MRGPRE: variants seen among roughly 807,000 people sequenced by gnomAD.
MRGPRE encodes MAS related GPR family member E.
For synonymous variants in MRGPRE, 229 were observed against 206.7 expected, an observed-to-expected ratio of 1.11 and a Z score of -0.92; for missense variants, 466 against 433.4, an observed-to-expected ratio of 1.08 and a Z score of -0.67.
At position 3,225,774 on chromosome 11, in the gene MRGPRE, A is replaced by G. The variant is rs1259651660; in HGVS notation, c.*2087T>C. Among the ~76,000 whole-genome samples the G allele has an allele frequency of 1.3e-5, 2 of 152,222 alleles. No individual in the cohort carries two copies. The highest frequency in any genetic ancestry group is 3.9e-4 in the East Asian group (2 of 5,192). ...TGGGGACGAGCTGGGCCCAGTTTCC[A>G]TGGAGACCTCAGATGAGGCCACATT... On this transcript the variant is annotated 3_prime_UTR_variant, in exon 2 of 2. Transcript: ENST00000389832.
chr11:3,228,916 C>T (rs1285592447), intron 1 of MRGPRE, 56 bp from the exon 2 acceptor site: 1 of 815,026 alleles, frequency 1.2e-6, no homozygotes, highest in Non-Finnish European at 1.9e-6. Flanking sequence ...CCTGCTCCTC[C>T]CCACATCAGG....
Position 3,228,166 on chromosome 11 carries a change from G to A in MRGPRE, c.634C>T (p.Pro212Ser). Residue 212 changes from proline to serine, a missense_variant, in exon 2 of 2, where the codon CCC (proline) becomes TCC (serine). By Grantham distance (74) the Pro-to-Ser change is moderately conservative. Coordinates refer to ENST00000389832, the MANE Select transcript of MRGPRE (RefSeq NM_001039165.4). ...RVERGPQRPP[P>S]RGFPGLILLT... is the part of the protein sequence containing the mutation. ...AGGATGAGCCCAGGGAAGCCCCGGG[G>A]TGGGGGCCGCTGGGGGCCTCGCTCC... is the stretch of plus-strand genomic sequence containing the variant. 6.4e-7 allele frequency: 1 copy of A among 1,571,008 alleles called. No homozygotes were observed. Among genetic ancestry groups the A allele is most frequent in the South Asian group, 1.2e-5 (1 of 85,960 alleles).
In MRGPRE at chr11:3,231,795, C is replaced by T. The variant is rs1238088977; in HGVS notation, c.-62+346G>A. Among the ~76,000 whole-genome samples the T allele has an allele frequency of 6.6e-6, 1 of 151,626 alleles. No homozygotes were observed. The highest frequency in any genetic ancestry group is 6.6e-5 in the Admixed American group (1 of 15,262). ...TGGCAGGGAGGAGAGGGCCTATCCCCGGCTGCCCCCATGACTCCCCTTGAG... is the reference window on the plus strand; with the variant it reads ...TGGCAGGGAGGAGAGGGCCTATCCCTGGCTGCCCCCATGACTCCCCTTGAG... On this transcript the variant is annotated intron_variant, in intron 1 of 1. Transcript: ENST00000389832. The surrounding 1 kb of genome is among the most constrained non-coding windows in gnomAD (Gnocchi z 4.7).
At position 3,228,792 on chromosome 11, in the gene MRGPRE, T is replaced by C. The variant is rs1847796765; in HGVS notation, c.8A>G (p.Glu3Gly). The C allele has an allele frequency of 6.2e-7, 1 of 1,604,294 alleles. No individual in the cohort carries two copies. The highest frequency in any genetic ancestry group is 1.7e-5 in the Admixed American group (1 of 59,210). ...CACGTGCTGTCCAGCTTCTCTGGGC[T>C]CCATCATGGGGCGGGGGGCCAGGGG... MM[E>G]PREAGQHVGA... Residue 3 changes from glutamate (E) to glycine (G), a missense_variant, in exon 2 of 2, where the codon GAG (glutamate) becomes GGG (glycine). By Grantham distance (98) the Glu-to-Gly change is moderately conservative (BLOSUM62 -2). Transcript: ENST00000389832.
chr11:3,228,211 G>A lies in MRGPRE; in HGVS notation c.589C>T (p.Leu197Phe). The change falls in exon 2 of 2, where the codon CTT (leucine) becomes TTT (phenylalanine). Residue 197 changes from leucine (L) to phenylalanine (F), a missense_variant. By Grantham distance (22) the Leu-to-Phe change is conservative. Transcript: ENST00000389832. The part of the protein sequence containing the change: ...LLCCTMCGAS[L>F]MLLLRVERGP... ...CGCTCCACCCGCAGCAGCAGCATAA[G>A]GCTGGCCCCACACATGGTGCAACAC... The A allele has an allele frequency of 1.3e-6, 2 of 1,557,444 alleles. No individual in the cohort carries two copies. Among genetic ancestry groups the A allele is most frequent in the Non-Finnish European group, 1.7e-6 (2 of 1,151,198 alleles).
rs1252521975 is a variant in MRGPRE, at chr11:3,230,119, G to A, written c.-61-1259C>T. ...CCGGAGACATGCCTGCAGATACCCGGCCCCATGCTGCCCCTGTGGTTACCT... is the reference window on the plus strand; with the variant it reads ...CCGGAGACATGCCTGCAGATACCCGACCCCATGCTGCCCCTGTGGTTACCT... On this transcript the variant is annotated intron_variant, in intron 1 of 1. Coordinates refer to ENST00000389832, the MANE Select transcript of MRGPRE (RefSeq NM_001039165.4). The surrounding 1 kb of genome is among the most constrained non-coding windows in gnomAD (Gnocchi z 5.5). Among the ~76,000 whole-genome samples the A allele has an allele frequency of 6.6e-6, 1 of 152,108 alleles. No homozygotes were observed. Among genetic ancestry groups the A allele is most frequent in the Non-Finnish European group, 1.5e-5 (1 of 68,014 alleles).
In MRGPRE at chr11:3,230,893, A is replaced by G. The variant is rs1212947983; in HGVS notation, c.-62+1248T>C. Among the ~76,000 whole-genome samples the G allele has an allele frequency of 6.6e-6, 1 of 151,556 alleles. No homozygotes were observed. The highest frequency in any genetic ancestry group is 2.0e-4 in the East Asian group (1 of 5,124). On this transcript the variant is annotated intron_variant, in intron 1 of 1. Coordinates refer to ENST00000389832, the MANE Select transcript of MRGPRE (RefSeq NM_001039165.4). This position sits in a 1 kb window ranked among gnomAD's most constrained non-coding sequence, Gnocchi z 5.5. ...CAGGAGGACACCCTGAGTGGGGCAG[A>G]CGGGGCATCACTGCCATGGCAGGTG...
rs1160131594 is a variant in MRGPRE at position 3,226,223 on chromosome 11, T to G, written c.*1638A>C. ...TGAGATGAATCTGTGCTTTTCCTCC[T>G]GGTTCTTCCTTGTTCTGGGGGAAGT... On this transcript the variant is annotated 3_prime_UTR_variant, in exon 2 of 2. Transcript: ENST00000389832. The G allele has an allele frequency of 6.6e-6, 1 of 152,318 alleles. No homozygotes were observed. Among genetic ancestry groups the G allele is most frequent in the African/African-American group, 2.4e-5 (1 of 41,462 alleles). The allele number at this position is 152,318 out of a possible 1,614,324, so 9.4% of individuals were successfully genotyped here.
rs1027687084 is a variant in MRGPRE at position 3,230,959 on chromosome 11, A to T, written c.-62+1182T>A. Among the ~76,000 whole-genome samples the T allele has an allele frequency of 5.9e-5, 9 of 151,792 alleles. No individual in the cohort carries two copies. The highest frequency in any genetic ancestry group is 1.2e-4 in the Non-Finnish European group (8 of 67,906). ...GGGGACAGATGCTCTCCTACTCAGGATAGCTTGGGGGGGTCACCAACCCTC... is the reference window on the plus strand; with the variant it reads ...GGGGACAGATGCTCTCCTACTCAGGTTAGCTTGGGGGGGTCACCAACCCTC... On this transcript the variant is annotated intron_variant, in intron 1 of 1. Coordinates refer to ENST00000389832, the MANE Select transcript of MRGPRE (RefSeq NM_001039165.4). This position sits in a 1 kb window ranked among gnomAD's most constrained non-coding sequence, Gnocchi z 5.5.
chr11:3,228,082 G>T lies in MRGPRE; in HGVS notation c.718C>A (p.Arg240=). Residue 240 remains arginine (R), a synonymous_variant, in exon 2 of 2, where the codon CGG becomes AGG. Transcript: ENST00000389832. ...GLPFGIYWLS[R]NLLWYIPHYF... ...TGGGGGATGTACCAGAGCAGGTTCC[G>T]GGACAGCCAGTAGATGCCGAAGGGC... 6.2e-7 allele frequency: 1 copy of T among 1,605,180 alleles called. No homozygotes were observed.
rs1847765767 is a variant in MRGPRE at position 3,226,768 on chromosome 11, G to A, written c.*1093C>T. ...GGCGTTGGTGGCAGTAGAATCGACA[G>A]ACATTTCTCTTGGGCTCACGAGAGG... On this transcript the variant is annotated 3_prime_UTR_variant, in exon 2 of 2. Coordinates refer to ENST00000389832, the MANE Select transcript of MRGPRE (RefSeq NM_001039165.4). Among the ~76,000 whole-genome samples the A allele has an allele frequency of 6.6e-6, 1 of 152,236 alleles. No homozygotes were observed.
At position 3,227,949 on chromosome 11, in the gene MRGPRE, AG is replaced by A; in HGVS notation, c.850del (p.Leu284TrpfsTer27). On this transcript the variant is annotated frameshift_variant, in exon 2 of 2. Transcript: ENST00000389832. LOFTEE classifies it low-confidence loss of function (END_TRUNC). Reference sequence around the variant, plus strand: ...GTCTCCCAGCGCTCGCTGGAGGACCAGCCGGAGGGGCAGCCTGCGGCCCTGG... The same window carrying A: ...GTCTCCCAGCGCTCGCTGGAGGACCACCGGAGGGGCAGCCTGCGGCCCTGG... ...SAQGRRLPLRLVLQRALGDEA... is the reference protein window; with the variant it reads ...SAQGRRLPLRXVLQRALGDEA... 1 of 1,559,618 alleles carries A rather than the reference AG, an allele frequency of 6.4e-7. No individual in the cohort carries two copies. The highest frequency in any genetic ancestry group is 8.7e-7 in the Non-Finnish European group (1 of 1,150,360).
In MRGPRE at chr11:3,225,533, G is replaced by T. The variant is rs575301992; in HGVS notation, c.*2328C>A. Among the ~76,000 whole-genome samples the T allele has an allele frequency of 6.6e-6, 1 of 152,186 alleles. No individual in the cohort carries two copies. The highest frequency in any genetic ancestry group is 6.5e-5 in the Admixed American group (1 of 15,286). On this transcript the variant is annotated 3_prime_UTR_variant, in exon 2 of 2. Transcript: ENST00000389832. The stretch of plus-strand genomic sequence containing the variant: ...GGGGCAGAAGAGGAGGTGCAGCGGG[G>T]GAGGTCAGAGGAGGCGCAGGCTGGG...
In MRGPRE at chr11:3,226,978, C is replaced by A. The variant is rs1847767854; in HGVS notation, c.*883G>T. On this transcript the variant is annotated 3_prime_UTR_variant, in exon 2 of 2. Transcript: ENST00000389832. ...GCTCCTGGATGGCAGCCAGGCCTGG[C>A]ACTCAGCGGAAGCTCGGAAACCTGT... is the stretch of plus-strand genomic sequence containing the variant. Among the ~76,000 whole-genome samples, 1 of 152,234 alleles carries A rather than the reference C, an allele frequency of 6.6e-6. No homozygotes were observed. Among genetic ancestry groups the A allele is most frequent in the Non-Finnish European group, 1.5e-5 (1 of 68,034 alleles).
chr11:3,228,301 C>G lies in MRGPRE; in HGVS notation c.499G>C (p.Gly167Arg). 2 of 1,554,790 alleles carry G rather than the reference C, an allele frequency of 1.3e-6. No homozygotes were observed. Among genetic ancestry groups the G allele is most frequent in the South Asian group, 1.2e-5 (1 of 84,926 alleles). ...LLSGACTQFF[G>R]EPSRHLCRTL... ...CGGCACAAGTGGCGGCTGGGCTCCC[C>G]GAAGAACTGGGTGCAGGCGCCGCTG... The change falls in exon 2 of 2, where the codon GGG becomes CGG. Residue 167 changes from glycine to arginine, a missense_variant. Gly to Arg is a moderately radical substitution (Grantham distance 125). Transcript: ENST00000389832.
rs1173745942 is a variant in MRGPRE at position 3,231,324 on chromosome 11, GGGA to G, written c.-62+814_-62+816del. On this transcript the variant is annotated intron_variant, in intron 1 of 1. Transcript: ENST00000389832. This position sits in a 1 kb window ranked among gnomAD's most constrained non-coding sequence, Gnocchi z 4.7. Reference sequence around the variant, plus strand: ...GAGATGGGGGACAGAGAAGGAAACAGGGAGGAGAACAGGGGGACAAGGGGTTAG... The same window carrying G: ...GAGATGGGGGACAGAGAAGGAAACAGGGAGAACAGGGGGACAAGGGGTTAG... 6.6e-6 allele frequency among the ~76,000 whole-genome samples: 1 copy of G among 152,006 alleles called. No homozygotes were observed. Among genetic ancestry groups the G allele is most frequent in the Non-Finnish European group, 1.5e-5 (1 of 67,996 alleles).
chr11:3,228,160 C>T lies in MRGPRE; in HGVS notation c.640G>A (p.Gly214Ser). Reference sequence around the variant, plus strand: ...GTGAGGAGGATGAGCCCAGGGAAGCCCCGGGGTGGGGGCCGCTGGGGGCCT... The same window carrying T: ...GTGAGGAGGATGAGCCCAGGGAAGCTCCGGGGTGGGGGCCGCTGGGGGCCT... ...ERGPQRPPPR[G>S]FPGLILLTVL... The change falls in exon 2 of 2, where the codon GGC (glycine) becomes AGC (serine). Residue 214 changes from glycine (G) to serine (S), a missense_variant. Coordinates refer to ENST00000389832, the MANE Select transcript of MRGPRE (RefSeq NM_001039165.4). The T allele has an allele frequency of 6.4e-7, 1 of 1,573,802 alleles. No homozygotes were observed. Among genetic ancestry groups the T allele is most frequent in the Non-Finnish European group, 8.6e-7 (1 of 1,159,988 alleles).
rs117133129 is a variant in MRGPRE, at chr11:3,231,359, G to A, written c.-62+782C>T. 2.0e-4 allele frequency among the ~76,000 whole-genome samples: 30 copies of A among 152,074 alleles called. No individual in the cohort carries two copies. The highest frequency in any genetic ancestry group is 3.4e-3 in the Middle Eastern group (1 of 294). On this transcript the variant is annotated intron_variant, in intron 1 of 1. Transcript: ENST00000389832. The surrounding 1 kb of genome is among the most constrained non-coding windows in gnomAD (Gnocchi z 4.7). ...CAGGGGGACAAGGGGTTAGAGCCAC[G>A]GAGCTCAGCCAGACCCTGCTGCTGC...
rs903717256 is a variant in MRGPRE at position 3,231,291 on chromosome 11, G to C, written c.-62+850C>G. On this transcript the variant is annotated intron_variant, in intron 1 of 1. Transcript: ENST00000389832. This position sits in a 1 kb window ranked among gnomAD's most constrained non-coding sequence, Gnocchi z 4.7. Reference sequence around the variant, plus strand: ...GAGGGGAGAGTGCAGGAAGGGGAGAGGCATGAAGAGATGGGGGACAGAGAA... The same window carrying C: ...GAGGGGAGAGTGCAGGAAGGGGAGACGCATGAAGAGATGGGGGACAGAGAA... Among the ~76,000 whole-genome samples, 1 of 151,986 alleles carries C rather than the reference G, an allele frequency of 6.6e-6. No homozygotes were observed. Among genetic ancestry groups the C allele is most frequent in the Admixed American group, 6.5e-5 (1 of 15,274 alleles).
Sources: allele counts gnomAD v4.1 joint callset (sites outside exome capture counted in the v4.1 genomes callset), GRCh38; gene constraint gnomAD v4.1.1; non-coding constraint Gnocchi (gnomAD v3.1); transcripts MANE v1.5; gene names NCBI Gene and HGNC (gene_info 2026-07-23, HGNC 2026-07-21).